Variants in DNAH11 observed in about 807,000 individuals in gnomAD.
DNAH11 encodes dynein axonemal heavy chain 11.
DNAH11 carries 442 observed loss-of-function variants against 526.0 expected under a neutral mutation model. The observed-to-expected ratio is 0.84, with a 90% CI of 0.78 to 0.91. The LOEUF is 0.91. DNAH11 is among the 40% of genes least tolerant of loss of function. The pLI, the probability that DNAH11 is intolerant of heterozygous loss-of-function variation, is 0.00. For synonymous variants in DNAH11, 2,461 were observed against 1,935.9 expected, an observed-to-expected ratio of 1.27 and a Z score of -7.12; for missense variants, 6,989 against 5,448.7, an observed-to-expected ratio of 1.28 and a Z score of -8.90.
chr7:21,731,968 A>G (rs1328340791), intron 45 of DNAH11, among the ~76,000 whole-genome samples: 1 of 152,236 alleles, frequency 6.6e-6, no homozygotes, highest in African/African-American at 2.4e-5. Context: ...TTTATAAATT[A>G]AACTTTATCA....
At chr7:21,622,123 T>A (rs1201910699) in intron 25 of DNAH11, among the ~76,000 whole-genome samples, 1 of 152,126 alleles carries the variant, frequency 6.6e-6, no homozygotes, top group Admixed American at 6.5e-5. Flanking sequence ...CAGCAAAGTC[T>A]CAGGATACAA....
In DNAH11 at chr7:21,570,138, G is replaced by T. The variant is rs773158013; in HGVS notation, c.1264G>T (p.Val422Leu). ...AGAAGAGTCACTGGAAAAGGTGCAG[G>T]TGGCTGTTAACATCTTAAAGACTTT... ...EIEESLEKVQ[V>L]AVNILKTFKN... is the part of the protein sequence containing the mutation. Residue 422 changes from valine to leucine, a missense_variant, in exon 7 of 82, where the codon GTG (valine) becomes TTG (leucine). Transcript: ENST00000409508. 6.2e-7 allele frequency: 1 copy of T among 1,613,282 alleles called. No homozygotes were observed. The highest frequency in any genetic ancestry group is 8.5e-7 in the Non-Finnish European group (1 of 1,179,650).
rs765002380 is a variant in DNAH11 at position 21,690,829 on chromosome 7, C to T, written c.5989C>T (p.Pro1997Ser). The change falls in exon 35 of 82, where the codon CCG (proline) becomes TCG (serine). Residue 1997 changes from proline (P) to serine (S), a missense_variant. Physicochemically the swap from Pro to Ser is moderately conservative, Grantham distance 74. Coordinates refer to ENST00000409508, the MANE Select transcript of DNAH11 (RefSeq NM_001277115.2). The stretch of plus-strand genomic sequence containing the variant: ...AGTTGGAATATTTATTACTATGAAC[C>T]CGGGTTATGCTGGTCGAACCGAATT... The part of the protein sequence containing the change: ...PSVGIFITMN[P>S]GYAGRTELPE... 2.5e-6 allele frequency: 4 copies of T among 1,612,578 alleles called. No homozygotes were observed. The highest frequency in any genetic ancestry group is 2.2e-5 in the East Asian group (1 of 44,778).
chr7:21,606,846 AT>A, intron 20 of DNAH11, 113 bp downstream of exon 20: 1 of 963,470 alleles, frequency 1.0e-6, no homozygotes, highest in Non-Finnish European at 1.5e-6. Context: ...ATAGGAATTG[AT>A]TTATTTAAAA....
At chr7:21,844,436 AAAAC>A (rs1458269368) in intron 66 of DNAH11, among the ~76,000 whole-genome samples, 2 of 152,200 alleles carry the variant, frequency 1.3e-5, no homozygotes, top group Admixed American at 6.5e-5. Context: ...AACAAAAACA[AAAAC>A]AAACAAAAAA....
chr7:21,861,020 A>G (rs1488276744), intron 68 of DNAH11, among the ~76,000 whole-genome samples: 3 of 152,194 alleles, frequency 2.0e-5, no homozygotes, highest in African/African-American at 7.2e-5. Flanking sequence ...CCCACAACAC[A>G]TGGGAATTAT....
intron 61 of DNAH11, among the ~76,000 whole-genome samples, chr7:21,799,106 A>G (rs1788846707): frequency 6.6e-6 from 1 of 152,128 alleles, no homozygotes; most frequent in Non-Finnish European, 1.5e-5. Context: ...AATCCTCAAA[A>G]AAACACCCTT....
chr7:21,706,217 T>G (rs1020847968), intron 39 of DNAH11, among the ~76,000 whole-genome samples: 2 of 152,210 alleles, frequency 1.3e-5, no homozygotes, highest in Non-Finnish European at 2.9e-5. Context: ...ATCCCCATTT[T>G]TAGTTCACTG....
chr7:21,568,497 C>G (rs1031276227), intron 6 of DNAH11, among the ~76,000 whole-genome samples: 1 of 152,164 alleles, frequency 6.6e-6, no homozygotes, highest in Non-Finnish European at 1.5e-5. Context: ...ACAGCCAGCC[C>G]CTGCGTCGGG....
At chr7:21,699,933 C>A (rs1019367986) in intron 36 of DNAH11, among the ~76,000 whole-genome samples, 4 of 151,864 alleles carry the variant, frequency 2.6e-5, no homozygotes, top group South Asian at 2.1e-4. Flanking sequence ...TTAGGTAATT[C>A]AGTTTACATG....
At chr7:21,821,504 C>T (rs1263222021) in intron 65 of DNAH11, among the ~76,000 whole-genome samples, 2 of 152,116 alleles carry the variant, frequency 1.3e-5, no homozygotes, top group Non-Finnish European at 2.9e-5. Flanking sequence ...CGTCCTCTTG[C>T]ATACCTTATC....
intron 60 of DNAH11, 150 bp downstream of exon 60, chr7:21,787,733 G>A (rs1788253930): frequency 1.6e-6 from 1 of 627,992 alleles, no homozygotes. Flanking sequence ...GCATGTTAGA[G>A]TAAACAATTC....
chr7:21,675,792 T>C (rs1782855362), intron 30 of DNAH11, among the ~76,000 whole-genome samples: 1 of 152,120 alleles, frequency 6.6e-6, no homozygotes, highest in South Asian at 2.1e-4. Context: ...CTTTAGAGTT[T>C]AGGGTGGAGG....
chr7:21,583,830 C>T (rs1305682962), intron 9 of DNAH11, among the ~76,000 whole-genome samples: 1 of 152,144 alleles, frequency 6.6e-6, no homozygotes, highest in African/African-American at 2.4e-5. Context: ...TGAAAAAAAG[C>T]TCATCATCAC....
At chr7:21,831,710 T>G (rs1041150279) in intron 65 of DNAH11, among the ~76,000 whole-genome samples, 3 of 152,196 alleles carry the variant, frequency 2.0e-5, no homozygotes, top group East Asian at 3.8e-4. Context: ...TACATAGATA[T>G]GCAAGAGAGA....
At chr7:21,754,645 TTTTG>T (rs1450667092) in intron 54 of DNAH11, among the ~76,000 whole-genome samples, 1 of 152,094 alleles carries the variant, frequency 6.6e-6, no homozygotes, top group African/African-American at 2.4e-5. Flanking sequence ...AGTTGGTTTT[TTTTG>T]TTTTTGTTTT....
At chr7:21,744,770 G>C (rs1039000647) in intron 50 of DNAH11, 100 bp from the exon 51 acceptor site, 1 of 1,436,904 alleles carries the variant, frequency 7.0e-7, no homozygotes, top group Admixed American at 2.5e-5. Context: ...ACCTACCCAT[G>C]TGTGGGTCTG....
chr7:21,772,413 A>T (rs11978067), intron 55 of DNAH11, among the ~76,000 whole-genome samples: 1 of 139,248 alleles, frequency 7.2e-6, no homozygotes, highest in Admixed American at 7.1e-5. Flanking sequence ...TTATTTATCT[A>T]TATTGTAGAA....
rs111592073 is a variant in DNAH11, at chr7:21,581,635, C to T, written c.1594-270C>T. Among the ~76,000 whole-genome samples the T allele has an allele frequency of 6.4e-3, 982 of 152,300 alleles. 8 individuals carry two copies. Among genetic ancestry groups the T allele is most frequent in the South Asian group, 0.023 (111 of 4,824 alleles). On this transcript the variant is annotated intron_variant, in intron 8 of 81. Transcript: ENST00000409508. ...TTCTATGTGAGCATGTGAGCCAAAG[C>T]ACTGCTGTTGAGGCCTGGGCCACTG...
Sources: gnomAD v4.1 joint callset for allele counts (sites outside exome capture counted in the v4.1 genomes callset) on GRCh38, gnomAD v4.1.1 for gene constraint, MANE v1.5 for transcripts, NCBI Gene and HGNC (gene_info 2026-07-23, HGNC 2026-07-21) for gene names.